Variants in RBFOX1 observed in about 807,000 individuals in gnomAD.
RBFOX1 encodes RNA binding fox-1 homolog 1.
Under a neutral mutation model 57.7 loss-of-function variants are expected in RBFOX1, and 8 were observed. That is an observed-to-expected ratio of 0.14 (90% CI 0.08 to 0.25). RBFOX1 has a LOEUF of 0.25. Among genes scored for constraint, RBFOX1 ranks in the 10% least tolerant of loss-of-function variants. RBFOX1 has a pLI of 1.00. For missense variants in RBFOX1, 611 were observed against 548.5 expected (o/e 1.11, Z -1.14); for synonymous variants, 326 against 222.4 (o/e 1.47, Z -4.15).
chr16:7,677,889 C>G lies in RBFOX1; in HGVS notation c.995+1051C>G, dbSNP rs566136841. Among the ~76,000 whole-genome samples, 7 of 152,316 alleles carry G rather than the reference C, an allele frequency of 4.6e-5. No individual in the cohort carries two copies. The South Asian group carries it at 6.2e-4, about 14-fold the overall frequency. On this transcript the variant is annotated intron_variant, in intron 14 of 15. Transcript: ENST00000550418. ...GCAGCCTCTGGTCCTCCTACCTGGCCTGTTGTGATGTAGTTCCTACCTCGG... is the reference window on the plus strand; with the variant it reads ...GCAGCCTCTGGTCCTCCTACCTGGCGTGTTGTGATGTAGTTCCTACCTCGG...
At chr16:6,362,945 C>G (rs1032056539) in intron 2 of RBFOX1, among the ~76,000 whole-genome samples, 6 of 152,156 alleles carry the variant, frequency 3.9e-5, no homozygotes, top group Admixed American at 3.9e-4. Context: ...ATGAGCAAGG[C>G]TAAAAGGTTG....
At chr16:5,865,373 C>G (rs1351261718) in intron 3 of RBFOX1, among the ~76,000 whole-genome samples, 1 of 152,130 alleles carries the variant, frequency 6.6e-6, no homozygotes, top group Non-Finnish European at 1.5e-5. Flanking sequence ...AGGGAAGGTT[C>G]CAAACTCTGA....
chr16:6,426,215 C>A (rs899497705), intron 2 of RBFOX1, among the ~76,000 whole-genome samples: 1 of 151,722 alleles, frequency 6.6e-6, no homozygotes, highest in Non-Finnish European at 1.5e-5. Flanking sequence ...TTTCCCTCTC[C>A]CTGTCTATGC....
intron 3 of RBFOX1, among the ~76,000 whole-genome samples, chr16:5,646,227 G>A (rs929740547): frequency 7.8e-5 from 11 of 141,810 alleles, no homozygotes; most frequent in East Asian, 6.3e-4. Context: ...GGGTTTCACC[G>A]TGTTAGCCAG....
intron 2 of RBFOX1, among the ~76,000 whole-genome samples, chr16:5,503,780 C>G (rs548570056): frequency 1.1e-4 from 16 of 152,258 alleles, no homozygotes; most frequent in African/African-American, 3.8e-4. Flanking sequence ...AGTTGTGCAA[C>G]CATCTCCACC....
intron 1 of RBFOX1, among the ~76,000 whole-genome samples, chr16:5,345,998 G>A (rs2065131208): frequency 6.6e-6 from 1 of 152,190 alleles, no homozygotes; most frequent in Non-Finnish European, 1.5e-5. Context: ...GAATAACATG[G>A]TGTGGGGGAT....
chr16:6,368,188 A>T (rs944318082), intron 2 of RBFOX1, among the ~76,000 whole-genome samples: 2 of 152,160 alleles, frequency 1.3e-5, no homozygotes, highest in African/African-American at 4.8e-5. Context: ...TGCATATGAG[A>T]CTTGTATTAT....
intron 4 of RBFOX1, among the ~76,000 whole-genome samples, chr16:7,243,124 T>C (rs1328988322): frequency 3.3e-5 from 5 of 152,190 alleles, no homozygotes; most frequent in Non-Finnish European, 5.9e-5. Flanking sequence ...AGAATACATT[T>C]GAATGTTTTC....
chr16:6,958,051 G>T (rs1233513554), intron 3 of RBFOX1, among the ~76,000 whole-genome samples: 2 of 152,126 alleles, frequency 1.3e-5, no homozygotes, highest in Non-Finnish European at 2.9e-5. Context: ...TCATCGAGGG[G>T]CCATCTTTGG....
At position 7,590,657 on chromosome 16, in the gene RBFOX1, C is replaced by T. The variant is rs183073449; in HGVS notation, c.468+3357C>T. 4.8e-3 allele frequency among the ~76,000 whole-genome samples: 722 copies of T among 151,952 alleles called. 6 individuals are homozygous for T. The highest frequency in any genetic ancestry group is 6.2e-3 in the Non-Finnish European group (422 of 67,954). On this transcript the variant is annotated intron_variant, in intron 7 of 15. Coordinates refer to ENST00000550418, the MANE Select transcript of RBFOX1 (RefSeq NM_018723.4). ...GGCGGATCACCTGAGGTCAGGAGTT[C>T]GAGACCAGCCTGACCAACATGGAGA...
intron 3 of RBFOX1, among the ~76,000 whole-genome samples, chr16:5,823,031 C>T (rs1336706281): frequency 1.3e-5 from 2 of 152,102 alleles, no homozygotes; most frequent in African/African-American, 2.4e-5. Flanking sequence ...AGGACTTATT[C>T]ATCAGTTTAA....
chr16:7,483,383 C>A (rs537579293), intron 4 of RBFOX1, among the ~76,000 whole-genome samples: 4 of 152,298 alleles, frequency 2.6e-5, no homozygotes, highest in Non-Finnish European at 5.9e-5. Context: ...TTTATCTCTT[C>A]TAGATTCATT....
chr16:6,396,713 C>T (rs1444450367), intron 2 of RBFOX1, among the ~76,000 whole-genome samples: 1 of 151,952 alleles, frequency 6.6e-6, no homozygotes, highest in African/African-American at 2.4e-5. Context: ...TCCATGATGT[C>T]CTTTTAAATA....
At chr16:5,621,063 A>G (rs1351044951) in intron 3 of RBFOX1, among the ~76,000 whole-genome samples, 3 of 152,144 alleles carry the variant, frequency 2.0e-5, no homozygotes, top group Non-Finnish European at 1.5e-5. Context: ...GATGGTCTTG[A>G]TGTCCTGACC....
chr16:5,766,627 C>T (rs527791180), intron 3 of RBFOX1, among the ~76,000 whole-genome samples: 23 of 152,210 alleles, frequency 1.5e-4, no homozygotes, highest in Non-Finnish European at 2.5e-4. Context: ...GATCTCTTGA[C>T]AGCTTACTCA....
chr16:6,934,913 C>G (rs778207686), intron 3 of RBFOX1, among the ~76,000 whole-genome samples: 23 of 152,018 alleles, frequency 1.5e-4, no homozygotes, highest in Non-Finnish European at 2.9e-4. Flanking sequence ...TGGTGAAACC[C>G]TGTCTCTACC....
chr16:6,928,616 C>G (rs1304444530), intron 3 of RBFOX1, among the ~76,000 whole-genome samples: 1 of 152,118 alleles, frequency 6.6e-6, no homozygotes, highest in Non-Finnish European at 1.5e-5. Context: ...CCCTGTAGCT[C>G]CCAAGGTCTC....
intron 1 of RBFOX1, among the ~76,000 whole-genome samples, chr16:6,164,017 A>G (rs2096898242): frequency 6.6e-6 from 1 of 152,314 alleles, no homozygotes; most frequent in Middle Eastern, 3.4e-3. Flanking sequence ...CATTTTTGTG[A>G]CGAGAGTAGT....
chr16:6,684,257 A>T (rs2059101979), intron 3 of RBFOX1, among the ~76,000 whole-genome samples: 1 of 152,338 alleles, frequency 6.6e-6, no homozygotes, highest in East Asian at 1.9e-4. Context: ...TAATGTGGCC[A>T]GAAGATGGCA....
Sources: gnomAD v4.1 joint callset for allele counts (sites outside exome capture counted in the v4.1 genomes callset) on GRCh38, gnomAD v4.1.1 for gene constraint, MANE v1.5 for transcripts, NCBI Gene and HGNC (gene_info 2026-07-23, HGNC 2026-07-21) for gene names.